The following CCDC134 variants were observed in gnomAD, a reference collection of about 807,000 sequenced individuals.
CCDC134 encodes coiled-coil domain containing 134.
A neutral mutation model predicts 25.6 loss-of-function variants in CCDC134; 27 were observed. That is an observed-to-expected ratio of 1.05 (90% CI 0.78 to 1.45). CCDC134 has a LOEUF of 1.45. Ranked by LOEUF, CCDC134 falls within the 40% of genes most tolerant of loss-of-function variation. The probability of loss-of-function intolerance (pLI) is 0.00; values close to 1 mark genes in which losing one functional copy is unlikely to be tolerated. For synonymous variants in CCDC134, 110 were observed against 115.0 expected, an observed-to-expected ratio of 0.96 and a Z score of 0.28; for missense variants, 261 against 286.7, an observed-to-expected ratio of 0.91 and a Z score of 0.65.
chr22:41,801,073 A>AAAAG (rs34013417), intron 1 of CCDC134, among the ~76,000 whole-genome samples: 45,987 of 151,880 alleles, frequency 0.3, 7,261 homozygotes, highest in Non-Finnish European at 0.36. Context: ...GAGAGGCTGA[A>AAAAG]AAAGTGAGTT....
chr22:41,813,487 G>T (rs751030130), intron 5 of CCDC134, 42 bp downstream of exon 5: 1 of 1,606,384 alleles, frequency 6.2e-7, no homozygotes, highest in Admixed American at 1.7e-5. Flanking sequence ...CCTCTGTCGG[G>T]TAGTGGACTA....
chr22:41,804,209 T>C (rs1022523931), intron 1 of CCDC134, among the ~76,000 whole-genome samples: 3 of 152,198 alleles, frequency 2.0e-5, no homozygotes, highest in African/African-American at 7.2e-5. Context: ...CTATCTACAG[T>C]ATGAAACCAT....
chr22:41,811,747 C>T (rs2076597536), intron 4 of CCDC134, among the ~76,000 whole-genome samples: 1 of 152,162 alleles, frequency 6.6e-6, no homozygotes, highest in African/African-American at 2.4e-5. Context: ...ATTGTTTATA[C>T]AGCAAGCTTT....
chr22:41,803,273 A>G (rs139566), intron 1 of CCDC134, among the ~76,000 whole-genome samples: 25,256 of 152,036 alleles, frequency 0.17, 3,046 homozygotes, highest in Admixed American at 0.36. Context: ...AAAAAACCCC[A>G]AATACCTTTT....
chr22:41,821,471 T>TC (rs2076651451), intron 6 of CCDC134, among the ~76,000 whole-genome samples: 2 of 82,988 alleles, frequency 2.4e-5, no homozygotes, highest in South Asian at 4.2e-4. Context: ...CCCTCCCCCC[T>TC]CCCCCCACCA....
At chr22:41,805,043 T>G (rs1251170905) in intron 1 of CCDC134, among the ~76,000 whole-genome samples, 1 of 152,152 alleles carries the variant, frequency 6.6e-6, no homozygotes, top group Non-Finnish European at 1.5e-5. Context: ...CACTCCAGCC[T>G]GAGCAACAGA....
intron 4 of CCDC134, among the ~76,000 whole-genome samples, 198 bp downstream of exon 4, chr22:41,810,489 CT>C (rs960666358): frequency 0.019 from 1,659 of 86,616 alleles, 4 homozygotes; most frequent in Admixed American, 0.032. Flanking sequence ...AATAGCATTT[CT>C]TTTTTTTTTT....
rs556033294 is a variant in CCDC134 at position 41,806,208 on chromosome 22, C to T, written c.-16-2667C>T. ...TGGTTGAAAATCTTTTTTTTTTAGG[C>T]GACTAATTTTTTTTTTTTTTTTTTT... is the stretch of plus-strand genomic sequence containing the variant. On this transcript the variant is annotated intron_variant, in intron 1 of 6. Transcript: ENST00000255784. Among the ~76,000 whole-genome samples, 652 of 145,038 alleles carry T rather than the reference C, an allele frequency of 4.5e-3. 3 individuals are homozygous for T. Among genetic ancestry groups the T allele is most frequent in the Non-Finnish European group, 7.5e-3 (498 of 65,992 alleles).
rs768777453 is a variant in CCDC134 at position 41,809,932 on chromosome 22, C to G, written c.157C>G (p.Leu53Val). 2.5e-6 allele frequency: 4 copies of G among 1,614,024 alleles called. No individual in the cohort carries two copies. Among genetic ancestry groups the G allele is most frequent in the African/African-American group, 1.3e-5 (1 of 74,906 alleles). ...GGAGCAGCTGTTGGCACTGAAGAAC[C>G]TGGCACAGCTGAACGACATCCACCA... ...RREQLLALKN[L>V]AQLNDIHQQY... Residue 53 changes from leucine (L) to valine (V), a missense_variant, in exon 3 of 7, where the codon CTG becomes GTG. By Grantham distance (32) the Leu-to-Val change is conservative. Transcript: ENST00000255784.
chr22:41,809,968 ATCCT>A lies in CCDC134; in HGVS notation c.195_198del (p.Ile65MetfsTer36), dbSNP rs772329134. The A allele has an allele frequency of 2.5e-6, 4 of 1,613,996 alleles. No homozygotes were observed. The African/African-American group carries it at 5.3e-5, about 22-fold the overall frequency. ...GAACGACATCCACCAGCAGTACAAG[ATCCT>A]TGATGTCATGCTCAAGGGGCTCTTT... On this transcript the variant is annotated frameshift_variant, in exon 3 of 7. Transcript: ENST00000255784. LOFTEE classifies it high-confidence loss of function.
In CCDC134 at chr22:41,826,020, C is replaced by T; in HGVS notation, c.*197C>T. The T allele has an allele frequency of 3.1e-6, 2 of 651,650 alleles. No individual in the cohort carries two copies. Among genetic ancestry groups the T allele is most frequent in the Non-Finnish European group, 5.2e-6 (2 of 382,528 alleles). 40.4% of individuals were successfully genotyped at this position (651,650 alleles called of 1,614,324 possible). A position where few individuals can be genotyped will look rare whatever the true frequency, so the allele number is the denominator to read the frequency against. The stretch of plus-strand genomic sequence containing the variant: ...AGATGGCTGGATTTTCTCTCAGGGG[C>T]CTCCTGCTGAAGGGGCCTTCAGAGG... On this transcript the variant is annotated 3_prime_UTR_variant, in exon 7 of 7. Transcript: ENST00000255784.
chr22:41,802,567 C>G (rs1032248849), intron 1 of CCDC134, among the ~76,000 whole-genome samples: 1 of 152,038 alleles, frequency 6.6e-6, no homozygotes, highest in Non-Finnish European at 1.5e-5. Flanking sequence ...GTTGAGAGTT[C>G]GAGACCAGCC....
intron 4 of CCDC134, among the ~76,000 whole-genome samples, chr22:41,810,535 CGCCAGGCTGG>C (rs2076590580): frequency 8.2e-6 from 1 of 121,558 alleles, no homozygotes; most frequent in South Asian, 2.6e-4. Context: ...CTCACTCTGT[CGCCAGGCTGG>C]AGTACAGTGG....
chr22:41,806,786 G>A (rs777534569), intron 1 of CCDC134, among the ~76,000 whole-genome samples: 1 of 151,922 alleles, frequency 6.6e-6, no homozygotes, highest in Non-Finnish European at 1.5e-5. Flanking sequence ...GGTGGCTCAC[G>A]ACTGTAATCC....
chr22:41,812,748 G>A (rs1169075427), intron 4 of CCDC134, among the ~76,000 whole-genome samples: 1 of 152,172 alleles, frequency 6.6e-6, no homozygotes, highest in Non-Finnish European at 1.5e-5. Flanking sequence ...CTGGCCTGTT[G>A]TGTGGCCATC....
rs1209563728 is a variant in CCDC134, at chr22:41,827,290, C to T, written c.*1467C>T. ...AAGGCCCCTCACTGGGCAGTGGAGG[C>T]AGGGCAGTGTGGTGGGACTGACTCA... On this transcript the variant is annotated 3_prime_UTR_variant, in exon 7 of 7. Transcript: ENST00000255784. 6.6e-6 allele frequency among the ~76,000 whole-genome samples: 1 copy of T among 152,188 alleles called. No homozygotes were observed. Among genetic ancestry groups the T allele is most frequent in the Non-Finnish European group, 1.5e-5 (1 of 68,040 alleles).
At chr22:41,810,381 T>C in intron 4 of CCDC134, 90 bp downstream of exon 4, 1 of 1,256,462 alleles carries the variant, frequency 8.0e-7, no homozygotes, top group South Asian at 1.3e-5. Context: ...TCTTTTTTTC[T>C]CCCCGGAAGT....
At chr22:41,815,732 A>C (rs2148314299) in intron 6 of CCDC134, among the ~76,000 whole-genome samples, 1 of 149,962 alleles carries the variant, frequency 6.7e-6, no homozygotes, top group East Asian at 2.0e-4. Context: ...GTAACCTTGA[A>C]CTCCTGGGCT....
chr22:41,804,526 T>A (rs946713000), intron 1 of CCDC134, among the ~76,000 whole-genome samples: 2 of 152,104 alleles, frequency 1.3e-5, no homozygotes, highest in Non-Finnish European at 2.9e-5. Context: ...AGAAACAAAA[T>A]TTTCTCTTTA....
Sources: gnomAD v4.1 joint callset for allele counts (sites outside exome capture counted in the v4.1 genomes callset) on GRCh38, gnomAD v4.1.1 for gene constraint, MANE v1.5 for transcripts, NCBI Gene and HGNC (gene_info 2026-07-23, HGNC 2026-07-21) for gene names.